Variants in DHRSX observed in about 807,000 individuals in gnomAD.
DHRSX encodes polyprenol dehydrogenase.
DHRSX carries 31 observed loss-of-function variants against 34.0 expected under a neutral mutation model. That is an observed-to-expected ratio of 0.91 (90% CI 0.69 to 1.23). DHRSX has a LOEUF of 1.23. Ranked by LOEUF, DHRSX falls within the 50% of genes most tolerant of loss-of-function variation. The probability of loss-of-function intolerance (pLI) is 0.00; values close to 1 mark genes in which losing one functional copy is unlikely to be tolerated. For synonymous variants in DHRSX, 201 were observed against 183.8 expected (o/e 1.09, Z -0.76); for missense variants, 414 against 428.1 (o/e 0.97, Z 0.29).
At chrX:2,287,529 G>A (rs1222118536) in intron 4 of DHRSX, among the ~76,000 whole-genome samples, 2 of 150,482 alleles carry the variant, frequency 1.3e-5, no homozygotes, top group East Asian at 3.9e-4. Flanking sequence ...GTGGTACACA[G>A]AATAATGGCC....
intron 6 of DHRSX, among the ~76,000 whole-genome samples, chrX:2,234,588 TAAAG>T (rs1260014465): frequency 1.3e-5 from 2 of 152,370 alleles, no homozygotes; most frequent in Admixed American, 6.5e-5. Context: ...CTGGCTAATA[TAAAG>T]AAAGTACAGT....
intron 6 of DHRSX, among the ~76,000 whole-genome samples, chrX:2,232,237 C>A (rs189252026): frequency 6.6e-6 from 1 of 152,058 alleles, no homozygotes; most frequent in Admixed American, 6.6e-5. Flanking sequence ...CTACACCCTT[C>A]TGTTTCTAAA....
intron 5 of DHRSX, among the ~76,000 whole-genome samples, chrX:2,248,636 A>C (rs1357207676): frequency 8.2e-6 from 1 of 121,498 alleles, no homozygotes; most frequent in Admixed American, 8.8e-5. Context: ...AGAAAAAGAA[A>C]AGAAAAGAAA....
chrX:2,394,418 T>C (rs1481884086), intron 3 of DHRSX, among the ~76,000 whole-genome samples: 1 of 152,078 alleles, frequency 6.6e-6, no homozygotes, highest in Non-Finnish European at 1.5e-5. Context: ...CTACAGGTGA[T>C]ATGATGTCAG....
chrX:2,482,258 T>C (rs1411794784), intron 1 of DHRSX, among the ~76,000 whole-genome samples: 1 of 152,030 alleles, frequency 6.6e-6, no homozygotes, highest in African/African-American at 2.4e-5. Context: ...GCCTCCTGTG[T>C]AACTGGGACT....
chrX:2,432,173 G>A (rs775049681), intron 1 of DHRSX, among the ~76,000 whole-genome samples: 2 of 151,932 alleles, frequency 1.3e-5, no homozygotes, highest in East Asian at 3.9e-4. Context: ...CAGCCAGGGC[G>A]ACAGAGCCAG....
chrX:2,335,184 CA>C (rs34503888), intron 3 of DHRSX, among the ~76,000 whole-genome samples: 166 of 116,520 alleles, frequency 1.4e-3, no homozygotes, highest in Admixed American at 2.5e-3. Context: ...GACTCCATCT[CA>C]AAAAAAAAAA....
At chrX:2,309,664 ATT>A (rs1042525205) in intron 3 of DHRSX, among the ~76,000 whole-genome samples, 3 of 152,168 alleles carry the variant, frequency 2.0e-5, no homozygotes, top group African/African-American at 7.2e-5. Flanking sequence ...TCACTGTAGC[ATT>A]TTGAGAGGCC....
At chrX:2,398,184 GGCAACCGT>G (rs1424360468) in intron 3 of DHRSX, among the ~76,000 whole-genome samples, 1 of 152,096 alleles carries the variant, frequency 6.6e-6, no homozygotes, top group Admixed American at 6.6e-5. Flanking sequence ...AATGGATCAG[GGCAACCGT>G]GCATTCAATA....
At chrX:2,275,779 G>A (rs916025894) in intron 4 of DHRSX, among the ~76,000 whole-genome samples, 1 of 150,124 alleles carries the variant, frequency 6.7e-6, no homozygotes, top group Non-Finnish European at 1.5e-5. Context: ...ACAGAGCAAG[G>A]CTCTGTCTCA....
At chrX:2,342,754 G>C (rs1236971963) in intron 3 of DHRSX, among the ~76,000 whole-genome samples, 1 of 152,102 alleles carries the variant, frequency 6.6e-6, no homozygotes, top group Non-Finnish European at 1.5e-5. Flanking sequence ...TTAAGCTACA[G>C]ACTCTGCTCC....
intron 6 of DHRSX, among the ~76,000 whole-genome samples, chrX:2,232,571 ATTT>A (rs762236265): frequency 2.6e-4 from 40 of 150,982 alleles, no homozygotes; most frequent in African/African-American, 3.9e-4. Context: ...AAGAATCAGC[ATTT>A]TTTTTTATTT....
Position 2,266,963 on chromosome X carries a change from T to C in DHRSX, c.389-16A>G, listed in dbSNP as rs763644262. ...ATCACCCCAGCTGGACAAAAGAGAA[T>C]ATCAGAAGGAGTTAGACTGGGGAAG... On this transcript the variant is annotated splice_polypyrimidine_tract_variant and intron_variant, in intron 4 of 6. Transcript: ENST00000334651. The C allele has an allele frequency of 1.9e-6, 3 of 1,613,244 alleles. No homozygotes were observed. The African/African-American group carries it at 4.0e-5, about 22-fold the overall frequency.
intron 3 of DHRSX, among the ~76,000 whole-genome samples, chrX:2,358,426 G>A (rs1179493166): frequency 2.6e-5 from 4 of 152,090 alleles, no homozygotes; most frequent in African/African-American, 4.8e-5. Flanking sequence ...GGCCGGGCGC[G>A]GTGGCTCACA....
intron 1 of DHRSX, among the ~76,000 whole-genome samples, chrX:2,491,351 T>G (rs2045139581): frequency 6.6e-6 from 1 of 152,192 alleles, no homozygotes; most frequent in Admixed American, 6.5e-5. Flanking sequence ...ATGACAGGCG[T>G]GAGTCACCGC....
chrX:2,354,592 G>T (rs924742009), intron 3 of DHRSX, among the ~76,000 whole-genome samples: 8 of 152,146 alleles, frequency 5.3e-5, no homozygotes, highest in South Asian at 2.1e-4. Flanking sequence ...CTCCCGAATA[G>T]CTGGGACCAC....
At chrX:2,490,231 G>A (rs2045096744) in intron 1 of DHRSX, 1 of 1,613,986 alleles carries the variant, frequency 6.2e-7, no homozygotes, top group Non-Finnish European at 8.5e-7. Context: ...ACTTCCGGCT[G>A]GGCAGCTCAT....
At chrX:2,266,633 C>T (rs1235967178) in intron 5 of DHRSX, 107 bp downstream of exon 5, 3 of 1,137,780 alleles carry the variant, frequency 2.6e-6, no homozygotes, top group African/African-American at 1.5e-5. Context: ...TCCCAGAGCA[C>T]CAGCGTCCAG....
chrX:2,334,964 G>A (rs772145944), intron 3 of DHRSX: 1 of 152,130 alleles, frequency 6.6e-6, no homozygotes, highest in Admixed American at 6.5e-5. Context: ...CGGATTGTCT[G>A]AGGTCAGGAG....
Sources: gnomAD v4.1 joint callset for allele counts (sites outside exome capture counted in the v4.1 genomes callset) on GRCh38, gnomAD v4.1.1 for gene constraint, MANE v1.5 for transcripts, NCBI Gene and HGNC (gene_info 2026-07-23, HGNC 2026-07-21) for gene names.